Variants in TRABD2B observed in about 807,000 individuals in gnomAD.
TRABD2B encodes TraB domain containing 2B, also known as metalloprotease TIKI2.
A neutral mutation model predicts 40.1 loss-of-function variants in TRABD2B; 14 were observed. That is an observed-to-expected ratio of 0.35 (90% CI 0.23 to 0.55). TRABD2B has a LOEUF of 0.55. Among genes scored for constraint, TRABD2B ranks in the 20% least tolerant of loss-of-function variants. TRABD2B has a pLI of 0.90. For synonymous variants in TRABD2B, 263 were observed against 277.0 expected (o/e 0.95, Z 0.50); for missense variants, 541 against 648.6 (o/e 0.83, Z 1.80).
intron 2 of TRABD2B, among the ~76,000 whole-genome samples, chr1:47,928,948 C>T (rs1229697007): frequency 6.6e-6 from 1 of 152,246 alleles, no homozygotes; most frequent in African/African-American, 2.4e-5. Context: ...ACATAACTTA[C>T]AAGACTATCT....
chr1:47,927,483 C>T (rs1429260029), intron 2 of TRABD2B, among the ~76,000 whole-genome samples: 1 of 152,242 alleles, frequency 6.6e-6, no homozygotes, highest in Non-Finnish European at 1.5e-5. Flanking sequence ...CTGGCTCCTT[C>T]TCAGAGCACC....
chr1:47,993,990 G>A, intron 2 of TRABD2B, 44 bp downstream of exon 2: 1 of 1,490,996 alleles, frequency 6.7e-7, no homozygotes, highest in South Asian at 1.3e-5. Context: ...GAGGACCCAG[G>A]TACCCAGGGC....
chr1:47,792,407 T>C (rs1557570710), intron 4 of TRABD2B, among the ~76,000 whole-genome samples: 1 of 152,128 alleles, frequency 6.6e-6, no homozygotes, highest in East Asian at 1.9e-4. Flanking sequence ...CTGACCACAA[T>C]GTGGGGAGGA....
At chr1:47,794,366 G>A (rs1007575175) in intron 4 of TRABD2B, among the ~76,000 whole-genome samples, 1 of 152,152 alleles carries the variant, frequency 6.6e-6, no homozygotes, top group Non-Finnish European at 1.5e-5. Context: ...GGCCATGGCA[G>A]GGGTCATCAC....
chr1:47,769,775 G>C (rs761825630), intron 6 of TRABD2B, among the ~76,000 whole-genome samples: 2 of 152,252 alleles, frequency 1.3e-5, no homozygotes, highest in African/African-American at 2.4e-5. Flanking sequence ...CCTCTGCTTG[G>C]GCAGAAGGCA....
chr1:47,900,594 C>T (rs887548852), intron 2 of TRABD2B, among the ~76,000 whole-genome samples: 1 of 152,120 alleles, frequency 6.6e-6, no homozygotes, highest in African/African-American at 2.4e-5. Context: ...CCAAGAGGCC[C>T]CCACCCCTCC....
At chr1:47,919,087 T>C (rs1644867096) in intron 2 of TRABD2B, among the ~76,000 whole-genome samples, 2 of 152,200 alleles carry the variant, frequency 1.3e-5, no homozygotes, top group Admixed American at 6.5e-5. Context: ...TCATTGTGTG[T>C]TGTGGTCATC....
At chr1:47,907,885 C>T (rs1328994230) in intron 2 of TRABD2B, among the ~76,000 whole-genome samples, 1 of 152,150 alleles carries the variant, frequency 6.6e-6, no homozygotes, top group Admixed American at 6.5e-5. Context: ...GTCGTAGAAC[C>T]CACTTGGTAA....
intron 2 of TRABD2B, chr1:47,818,960 C>T (rs1251308596): frequency 3.3e-5 from 5 of 152,226 alleles, no homozygotes; most frequent in African/African-American, 9.6e-5. Context: ...TGTGGTTAGA[C>T]CTTATGTTTC....
intron 2 of TRABD2B, among the ~76,000 whole-genome samples, chr1:47,881,516 C>G (rs908883779): frequency 2.6e-5 from 4 of 152,316 alleles, no homozygotes; most frequent in Admixed American, 2.6e-4. Flanking sequence ...TGTTACCGCA[C>G]TTTACAGTTG....
At chr1:47,830,256 A>ATGGCCCTC (rs1645231430) in intron 2 of TRABD2B, among the ~76,000 whole-genome samples, 1 of 152,208 alleles carries the variant, frequency 6.6e-6, no homozygotes, top group South Asian at 2.1e-4. Context: ...GGCCCAGAGG[A>ATGGCCCTC]TGGCCCTCAA....
At chr1:47,937,151 GATC>G (rs951809739) in intron 2 of TRABD2B, among the ~76,000 whole-genome samples, 1 of 65,140 alleles carries the variant, frequency 1.5e-5, no homozygotes, top group African/African-American at 6.5e-5. Context: ...CCACTACCAT[GATC>G]ATCACCATCA....
intron 4 of TRABD2B, among the ~76,000 whole-genome samples, chr1:47,781,917 T>C (rs1346396293): frequency 1.3e-5 from 2 of 152,196 alleles, no homozygotes; most frequent in Non-Finnish European, 2.9e-5. Context: ...TCCATCCTGG[T>C]TCTCTCTGTA....
At chr1:47,981,620 C>T (rs1409997603) in intron 2 of TRABD2B, among the ~76,000 whole-genome samples, 1 of 152,184 alleles carries the variant, frequency 6.6e-6, no homozygotes, top group African/African-American at 2.4e-5. Context: ...ATATACCTCT[C>T]TGAACCCTCA....
chr1:47,992,771 G>A (rs1041498784), intron 2 of TRABD2B, among the ~76,000 whole-genome samples: 3 of 152,324 alleles, frequency 2.0e-5, no homozygotes, highest in African/African-American at 4.8e-5. Flanking sequence ...GGAGTCAGGC[G>A]TAGTCAGAAC....
chr1:47,899,357 T>A (rs1246350566), intron 2 of TRABD2B, among the ~76,000 whole-genome samples: 2 of 152,224 alleles, frequency 1.3e-5, no homozygotes, highest in Non-Finnish European at 2.9e-5. Context: ...GAGTGGGACC[T>A]AGAGAATCAC....
intron 2 of TRABD2B, among the ~76,000 whole-genome samples, chr1:47,910,512 G>A (rs1232849044): frequency 6.6e-6 from 1 of 152,154 alleles, no homozygotes; most frequent in Non-Finnish European, 1.5e-5. Context: ...TGAGTACCTT[G>A]TCACTCAGAG....
chr1:47,882,451 G>C (rs978597321), intron 2 of TRABD2B, among the ~76,000 whole-genome samples: 1 of 152,222 alleles, frequency 6.6e-6, no homozygotes. Context: ...TTAGGGTTGC[G>C]GGTGAGGGGG....
At chr1:47,863,372 T>TTATTTATATTTATATATATATA (rs568340180) in intron 2 of TRABD2B, among the ~76,000 whole-genome samples, 1 of 66,496 alleles carries the variant, frequency 1.5e-5, no homozygotes, top group African/African-American at 5.3e-5. Context: ...CTATATAATT[T>TTATTTATATTTATATATATATA]TATATATATA....
Sources: gnomAD v4.1 joint callset for allele counts (sites outside exome capture counted in the v4.1 genomes callset) on GRCh38, gnomAD v4.1.1 for gene constraint, MANE v1.5 for transcripts, NCBI Gene and HGNC (gene_info 2026-07-23, HGNC 2026-07-21) for gene names.